Variants in USP42 observed in about 807,000 individuals in gnomAD.
USP42 encodes ubiquitin carboxyl-terminal hydrolase 42.
In USP42, 23 loss-of-function variants were observed where a neutral mutation model predicts 113.0. The observed-to-expected ratio is 0.20, with a 90% confidence interval of 0.15 to 0.29. The LOEUF (loss-of-function observed/expected upper bound fraction) is 0.29. Ranked by LOEUF, USP42 falls within the 10% of genes least tolerant of loss-of-function variation. The pLI is 1.00. For synonymous variants in USP42, 933 were observed against 699.0 expected, an observed-to-expected ratio of 1.33 and a Z score of -5.28; for missense variants, 2,174 against 1,779.8, an observed-to-expected ratio of 1.22 and a Z score of -3.99.
upstream of USP42, among the ~76,000 whole-genome samples, chr7:6,102,663 G>A (rs906418828): frequency 6.6e-6 from 1 of 150,866 alleles, no homozygotes; most frequent in Non-Finnish European, 1.5e-5. Context: ...GCGCAGAAGA[G>A]GCAGCATGGG....
intron 3 of USP42, among the ~76,000 whole-genome samples, chr7:6,115,925 C>A (rs1193146747): frequency 1.3e-5 from 2 of 151,802 alleles, no homozygotes; most frequent in African/African-American, 4.8e-5. Flanking sequence ...ATAGTAAGAC[C>A]CCATCTCTAC....
rs1013639273 is a variant in USP42, at chr7:6,139,305, C to G, written c.656+111C>G. 1 of 820,694 alleles carries G rather than the reference C, an allele frequency of 1.2e-6. No individual in the cohort carries two copies. The highest frequency in any genetic ancestry group is 1.8e-6 in the Non-Finnish European group (1 of 554,442). 50.8% of individuals were successfully genotyped at this position (820,694 alleles called of 1,614,324 possible). ...TGTTGGAAGCACACAGAACAGTGTT[C>G]ACTTTACCTTTTGGCTTTGCTCTGC... On this transcript the variant is annotated intron_variant, in intron 5 of 17. Coordinates refer to ENST00000306177, the MANE Select transcript of USP42 (RefSeq NM_032172.3). This position sits in a 1 kb window ranked among gnomAD's most constrained non-coding sequence, Gnocchi z 4.5.
At chr7:6,090,317 A>T in the USP42 span, among the ~76,000 whole-genome samples, 1 of 142,802 alleles carries the variant, frequency 7.0e-6, no homozygotes, top group Non-Finnish European at 1.5e-5. Context: ...AAAAAAAAGA[A>T]ATATATATAT....
At chr7:6,089,480 T>C in the USP42 span, among the ~76,000 whole-genome samples, 2 of 150,358 alleles carry the variant, frequency 1.3e-5, no homozygotes, top group African/African-American at 5.0e-5. Context: ...TTCTGTTCCT[T>C]CCACCCAGAA....
At chr7:6,141,196 C>CTTTTTTTTTTTT (rs199589142) in intron 7 of USP42, among the ~76,000 whole-genome samples, 2 of 131,868 alleles carry the variant, frequency 1.5e-5, no homozygotes, top group African/African-American at 2.8e-5. Flanking sequence ...TTTTCTTTTT[C>CTTTTTTTTTTTT]TTTTCTTTTT....
At chr7:6,134,065 G>T (rs573922210) in intron 3 of USP42, among the ~76,000 whole-genome samples, 1 of 151,800 alleles carries the variant, frequency 6.6e-6, no homozygotes, top group Admixed American at 6.6e-5. Context: ...TAATTTTTTT[G>T]TATCTTTAGT....
chr7:6,096,101 G>T, the USP42 span, among the ~76,000 whole-genome samples: 1 of 150,872 alleles, frequency 6.6e-6, no homozygotes, highest in Non-Finnish European at 1.5e-5. Context: ...TCAGGTGGGG[G>T]AATCTGGGCA....
rs781054446 is a variant in USP42, at chr7:6,154,071, C to T, written c.2517C>T (p.Ile839=). 6.8e-6 allele frequency: 11 copies of T among 1,605,904 alleles called. No individual in the cohort carries two copies. In the Admixed American group the frequency reaches 1.2e-4, roughly 17 times the overall value. ...TGTCCCAGGACGCAAAGGGGATGAT[C>T]GCGGAGGGCCCGCGGGACTCGGCGT... The part of the protein sequence containing the change: ...SPLSQDAKGM[I]AEGPRDSALA... Residue 839 remains isoleucine, a synonymous_variant, in exon 15 of 18, where the codon ATC becomes ATT. Coordinates refer to ENST00000306177, the MANE Select transcript of USP42 (RefSeq NM_032172.3).
chr7:6,102,192 T>C (rs1245804224), upstream of USP42, among the ~76,000 whole-genome samples: 1 of 142,826 alleles, frequency 7.0e-6, no homozygotes, highest in Non-Finnish European at 1.5e-5. Context: ...CTCGGCTCAC[T>C]GCAACCTCTG....
At chr7:6,110,729 A>G (rs1438748006) in intron 1 of USP42, among the ~76,000 whole-genome samples, 1 of 152,214 alleles carries the variant, frequency 6.6e-6, no homozygotes, top group Non-Finnish European at 1.5e-5. Context: ...GATGTAGTCA[A>G]ATGTATTACT....
intron 3 of USP42, 29 bp downstream of exon 3, chr7:6,115,552 T>C (rs1024026056): frequency 2.5e-6 from 4 of 1,610,786 alleles, no homozygotes; most frequent in Non-Finnish European, 3.4e-6. Context: ...GTTTGTAGTA[T>C]TGTAGTGCGC....
intron 12 of USP42, 89 bp downstream of exon 12, chr7:6,147,981 T>C: frequency 7.7e-7 from 1 of 1,298,460 alleles, no homozygotes; most frequent in South Asian, 1.4e-5. Flanking sequence ...GGTTGCTGTG[T>C]CCTCAAATAC....
chr7:6,092,123 CCTT>C, the USP42 span, among the ~76,000 whole-genome samples: 56 of 129,028 alleles, frequency 4.3e-4, no homozygotes, highest in South Asian at 9.7e-4. Context: ...TCTTCCTCTT[CCTT>C]CTTCTTCTTC....
At chr7:6,126,698 T>C (rs1287149375) in intron 3 of USP42, among the ~76,000 whole-genome samples, 1 of 152,122 alleles carries the variant, frequency 6.6e-6, no homozygotes, top group Non-Finnish European at 1.5e-5. Context: ...TTTCTAGTTT[T>C]GGGATATCGT....
At position 6,158,043 on chromosome 7, in the gene USP42, A is replaced by G. The variant is rs10951976; in HGVS notation, c.3943+988A>G. On this transcript the variant is annotated intron_variant, in intron 16 of 17. Coordinates refer to ENST00000306177, the MANE Select transcript of USP42 (RefSeq NM_032172.3). This position sits in a 1 kb window ranked among gnomAD's most constrained non-coding sequence, Gnocchi z 4.2. ...CTGGCAAACTGCAGCCCTGGGGCCA[A>G]CTTCGGCCAGTCACCAGACTTTGTA... Among the ~76,000 whole-genome samples the G allele has an allele frequency of 0.18, 27,758 of 152,258 alleles. 2,662 individuals carry two copies. Among genetic ancestry groups the G allele is most frequent in the African/African-American group, 0.21 (8,808 of 41,542 alleles).
intron 3 of USP42, among the ~76,000 whole-genome samples, chr7:6,117,251 A>T (rs950516327): frequency 1.3e-5 from 2 of 152,012 alleles, no homozygotes; most frequent in Non-Finnish European, 2.9e-5. Context: ...GTCACTATAG[A>T]TGAATTAGTT....
chr7:6,146,812 G>T (rs528457923), intron 11 of USP42, among the ~76,000 whole-genome samples: 1 of 152,214 alleles, frequency 6.6e-6, no homozygotes, highest in African/African-American at 2.4e-5. Context: ...GCTGACAAGG[G>T]TGGGCTTCTG....
At chr7:6,130,298 G>A (rs1259929002) in intron 3 of USP42, among the ~76,000 whole-genome samples, 1 of 152,240 alleles carries the variant, frequency 6.6e-6, no homozygotes, top group Non-Finnish European at 1.5e-5. Context: ...TGGCACCCCA[G>A]GTGGGAATTG....
In USP42 at chr7:6,154,726, A is replaced by T. The variant is rs770331060; in HGVS notation, c.3172A>T (p.Arg1058Trp). 20 of 1,586,878 alleles carry T rather than the reference A, an allele frequency of 1.3e-5. No individual in the cohort carries two copies. In the East Asian group the frequency reaches 4.4e-4, roughly 35 times the overall value. The change falls in exon 15 of 18, where the codon AGG (arginine) becomes TGG (tryptophan). Residue 1058 changes from arginine (R) to tryptophan (W), a missense_variant. Coordinates refer to ENST00000306177, the MANE Select transcript of USP42 (RefSeq NM_032172.3). ...CTACCCCGACAGGCCGCGCTGGGAC[A>T]GGTGCCGGTACTACCATGACAGGTA... ...KFYPDRPRWD[R>W]CRYYHDRYAL...
Sources: allele counts gnomAD v4.1 joint callset (sites outside exome capture counted in the v4.1 genomes callset), GRCh38; gene constraint gnomAD v4.1.1; non-coding constraint Gnocchi (gnomAD v3.1); transcripts MANE v1.5; gene names NCBI Gene and HGNC (gene_info 2026-07-23, HGNC 2026-07-21).